Variants in EPG5 observed in about 807,000 individuals in gnomAD.
The protein encoded by EPG5 is ectopic P-granules 5 autophagy tethering factor.
EPG5 carries 159 observed loss-of-function variants against 302.7 expected under a neutral mutation model. That is an observed-to-expected ratio of 0.53 (90% confidence interval 0.46 to 0.60). EPG5 has a LOEUF of 0.60. Ranked by LOEUF, EPG5 falls within the 20% of genes least tolerant of loss-of-function variation. EPG5 has a pLI of 0.00. For missense variants in EPG5, 2,896 were observed against 3,092.4 expected (o/e 0.94, Z 1.51); for synonymous variants, 1,158 against 1,136.8 (o/e 1.02, Z -0.37).
At chr18:45,959,251 G>T (rs551517302) in intron 1 of EPG5, among the ~76,000 whole-genome samples, 79 of 152,250 alleles carry the variant, frequency 5.2e-4, no homozygotes, top group Non-Finnish European at 5.6e-4. Context: ...TGAGGCAGGA[G>T]AATTGCTTGA....
At chr18:45,951,019 C>A in intron 4 of EPG5, 83 bp downstream of exon 4, 3 of 1,162,100 alleles carry the variant, frequency 2.6e-6, no homozygotes, top group African/African-American at 1.6e-5. Flanking sequence ...AAGTTGAAGA[C>A]CAAATGTAAT....
At chr18:45,854,095 G>A (rs2048466609) in intron 43 of EPG5, among the ~76,000 whole-genome samples, 1 of 152,152 alleles carries the variant, frequency 6.6e-6, no homozygotes, top group Non-Finnish European at 1.5e-5. Flanking sequence ...AGGTACTGGT[G>A]GCCACAGGAG....
At chr18:45,956,294 C>T (rs9964220) in intron 1 of EPG5, among the ~76,000 whole-genome samples, 45,109 of 151,986 alleles carry the variant, frequency 0.3, 9,311 homozygotes, top group African/African-American at 0.57. Flanking sequence ...AAAGACAAGA[C>T]TGAGAAACTG....
At chr18:45,938,300 C>T (rs926557168) in intron 10 of EPG5, among the ~76,000 whole-genome samples, 1 of 151,756 alleles carries the variant, frequency 6.6e-6, no homozygotes, top group Non-Finnish European at 1.5e-5. Flanking sequence ...GTCTCTACTA[C>T]AAACCCAAAA....
At chr18:45,950,508 C>T (rs1026263927) in intron 4 of EPG5, among the ~76,000 whole-genome samples, 1 of 152,200 alleles carries the variant, frequency 6.6e-6, no homozygotes, top group African/African-American at 2.4e-5. Flanking sequence ...CTTTTGCCCT[C>T]CACCATGATT....
In EPG5 at chr18:45,892,302, T is replaced by A. The variant is rs543347704; in HGVS notation, c.4810-2362A>T. The stretch of plus-strand genomic sequence containing the variant: ...TGAAAGTTTTCTTTTTTTACTGCAA[T>A]GAAGGTGAGAGCAATGGAATGTCTA... On this transcript the variant is annotated intron_variant, in intron 27 of 43. Transcript: ENST00000282041. Among the ~76,000 whole-genome samples, 105 of 152,334 alleles carry A rather than the reference T, an allele frequency of 6.9e-4. 3 individuals are homozygous for A. In the South Asian group the frequency reaches 0.021, roughly 31 times the overall value.
chr18:45,908,932 G>A (rs2049825525), intron 23 of EPG5, among the ~76,000 whole-genome samples: 2 of 149,934 alleles, frequency 1.3e-5, no homozygotes, highest in African/African-American at 4.9e-5. Flanking sequence ...CTGGGTGACA[G>A]AGCAAGACTC....
intron 27 of EPG5, among the ~76,000 whole-genome samples, chr18:45,895,412 T>A (rs1451255115): frequency 2.6e-5 from 4 of 151,830 alleles, no homozygotes; most frequent in African/African-American, 4.8e-5. Context: ...TTTTGAACTA[T>A]TCTGAGATCT....
chr18:45,881,312 A>G (rs553021696), intron 31 of EPG5, among the ~76,000 whole-genome samples: 3 of 152,358 alleles, frequency 2.0e-5, no homozygotes, highest in African/African-American at 7.2e-5. Context: ...TTAAAAGCTT[A>G]GAGAAAAAAT....
At position 45,946,519 on chromosome 18, in the gene EPG5, T is replaced by C. The variant is rs2050786641; in HGVS notation, c.1677+144A>G. 4.7e-6 allele frequency: 3 copies of C among 631,822 alleles called. No homozygotes were observed. In the East Asian group the frequency reaches 8.4e-5, roughly 18 times the overall value. 39.1% of individuals were successfully genotyped at this position (631,822 alleles called of 1,614,324 possible). ...CCCTGCACCTCAGTTTCCTCATCTA[T>C]AAAATAGGAATCATAAGTCTTTACC... On this transcript the variant is annotated intron_variant, in intron 7 of 43. Transcript: ENST00000282041.
the EPG5 span, among the ~76,000 whole-genome samples, chr18:45,821,687 A>C: frequency 1.3e-5 from 2 of 152,232 alleles, no homozygotes; most frequent in Admixed American, 6.5e-5. Context: ...AATGGGAGTA[A>C]ATATTTGCAA....
chr18:45,909,531 G>C (rs999881798), intron 23 of EPG5, among the ~76,000 whole-genome samples: 2 of 152,178 alleles, frequency 1.3e-5, no homozygotes, highest in African/African-American at 2.4e-5. Flanking sequence ...TAATTCTTAA[G>C]AGCCATTTTT....
intron 1 of EPG5, among the ~76,000 whole-genome samples, chr18:45,959,357 G>GGGGCC (rs1193170635): frequency 6.6e-6 from 1 of 151,500 alleles, no homozygotes; most frequent in African/African-American, 2.4e-5. Flanking sequence ...TACATAAATA[G>GGGGCC]GGGCCGGGCC....
rs761643130 is a variant in EPG5 at position 45,860,219 on chromosome 18, T to C, written c.6894A>G (p.Gln2298=). ...GCAGCACCACCAGCCCATGCATTTTTTGGCCAATCCAGGTCCGGATACTGC... is the reference window on the plus strand; with the variant it reads ...GCAGCACCACCAGCCCATGCATTTTCTGGCCAATCCAGGTCCGGATACTGC... ...LRGSIRTWIG[Q]KMHGLVVLPL... Residue 2298 remains glutamine (Q), a synonymous_variant, in exon 40 of 44, where the codon CAA becomes CAG. Coordinates refer to ENST00000282041, the MANE Select transcript of EPG5 (RefSeq NM_020964.3). 1 of 1,614,252 alleles carries C rather than the reference T, an allele frequency of 6.2e-7. No individual in the cohort carries two copies. Among genetic ancestry groups the C allele is most frequent in the Non-Finnish European group, 8.5e-7 (1 of 1,180,038 alleles).
At chr18:45,925,608 C>CT (rs1179066238) in intron 14 of EPG5, 130 bp downstream of exon 14, 2 of 619,420 alleles carry the variant, frequency 3.2e-6, no homozygotes, top group African/African-American at 1.9e-5. Context: ...ATCCTAAACT[C>CT]TGACACAGCT....
chr18:45,806,462 C>T, the EPG5 span, among the ~76,000 whole-genome samples: 1 of 152,092 alleles, frequency 6.6e-6, no homozygotes, highest in Non-Finnish European at 1.5e-5. Flanking sequence ...ACAGGACCCA[C>T]AGACCCTCTG....
Position 45,860,262 on chromosome 18 carries a change from G to T in EPG5, c.6851C>A (p.Thr2284Lys), listed in dbSNP as rs777908648. The part of the protein sequence containing the change: ...LMMMNNATIP[T>K]AEFLRGSIRT... ...GATACTGCCCCGAAGGAACTCTGCT[G>T]TTGGAATAGTCGCGTTGTTCATCAT... is the stretch of plus-strand genomic sequence containing the variant. Residue 2284 changes from threonine to lysine, a missense_variant, in exon 40 of 44, where the codon ACA becomes AAA. This residue lies in a region of EPG5 where 620 missense variants were observed against 704.2 expected (regional missense o/e 0.88). Transcript: ENST00000282041. 3 of 1,614,252 alleles carry T rather than the reference G, an allele frequency of 1.9e-6. No homozygotes were observed. The highest frequency in any genetic ancestry group is 2.5e-6 in the Non-Finnish European group (3 of 1,180,052).
chr18:45,917,614 A>G, intron 17 of EPG5, 65 bp downstream of exon 17: 1 of 1,574,486 alleles, frequency 6.4e-7, no homozygotes, highest in African/African-American at 1.4e-5. Flanking sequence ...AAACCAGAAG[A>G]CACAATCATT....
At chr18:45,841,304 G>T in the EPG5 span, among the ~76,000 whole-genome samples, 1 of 152,116 alleles carries the variant, frequency 6.6e-6, no homozygotes, top group African/African-American at 2.4e-5. Context: ...GAGTGTGGAC[G>T]TAAGACAGGG....
Sources: allele counts gnomAD v4.1 joint callset (sites outside exome capture counted in the v4.1 genomes callset), GRCh38; gene constraint gnomAD v4.1.1; regional missense constraint gnomAD v4.1.1; transcripts MANE v1.5; gene names NCBI Gene and HGNC (gene_info 2026-07-23, HGNC 2026-07-21).